The following ZDHHC14 variants were observed in gnomAD, a reference collection of about 807,000 sequenced individuals.
The protein encoded by ZDHHC14 is palmitoyltransferase ZDHHC14.
A neutral mutation model predicts 47.7 loss-of-function variants in ZDHHC14; 16 were observed. The observed-to-expected ratio is 0.34, with a 90% CI of 0.23 to 0.51. The LOEUF is 0.51. Ranked by LOEUF, ZDHHC14 falls within the 20% of genes least tolerant of loss-of-function variation. The probability of loss-of-function intolerance (pLI) is 0.97; values close to 1 mark genes in which losing one functional copy is unlikely to be tolerated. For synonymous variants in ZDHHC14, 293 were observed against 278.9 expected, an observed-to-expected ratio of 1.05 and a Z score of -0.50; for missense variants, 515 against 662.5, an observed-to-expected ratio of 0.78 and a Z score of 2.44.
At chr6:157,507,281 G>C (rs183818565) in intron 1 of ZDHHC14, among the ~76,000 whole-genome samples, 17 of 131,662 alleles carry the variant, frequency 1.3e-4, no homozygotes, top group African/African-American at 4.4e-4. Context: ...TATATTTCCT[G>C]ACTCATTTTT....
chr6:157,633,079 C>A (rs535330292), intron 5 of ZDHHC14, among the ~76,000 whole-genome samples, 197 bp downstream of exon 5: 209 of 152,212 alleles, frequency 1.4e-3, no homozygotes, highest in African/African-American at 4.7e-3. Context: ...CTGTTTAAAT[C>A]GAGGGCTAGG....
At chr6:157,462,300 T>C (rs1451382301) in intron 1 of ZDHHC14, among the ~76,000 whole-genome samples, 1 of 152,218 alleles carries the variant, frequency 6.6e-6, no homozygotes, top group Non-Finnish European at 1.5e-5. Flanking sequence ...TTTTCCAGTA[T>C]ATTTTCTAGT....
intron 1 of ZDHHC14, among the ~76,000 whole-genome samples, chr6:157,535,661 A>G (rs1781522514): frequency 6.6e-6 from 1 of 152,174 alleles, no homozygotes; most frequent in African/African-American, 2.4e-5. Context: ...GTCTGGGGTA[A>G]TTAACACGAT....
chr6:157,536,019 C>T (rs1781535079), intron 1 of ZDHHC14, among the ~76,000 whole-genome samples: 2 of 151,330 alleles, frequency 1.3e-5, no homozygotes, highest in African/African-American at 4.9e-5. Flanking sequence ...CTCCATTTCT[C>T]ACAATGCTAC....
chr6:157,490,852 C>T (rs1779896944), intron 1 of ZDHHC14, among the ~76,000 whole-genome samples: 1 of 152,228 alleles, frequency 6.6e-6, no homozygotes, highest in Admixed American at 6.5e-5. Context: ...GAATGCCTAT[C>T]AATACCAGGC....
rs534652814 is a variant in ZDHHC14 at position 157,463,554 on chromosome 6, G to A, written c.246-79031G>A. On this transcript the variant is annotated intron_variant, in intron 1 of 8. Coordinates refer to ENST00000359775, the MANE Select transcript of ZDHHC14 (RefSeq NM_024630.3). The surrounding 1 kb of genome is among the most constrained non-coding windows in gnomAD (Gnocchi z 4.4). ...ACTGAGCCTACAGGAAGAATCATCA[G>A]AAAGGAATGTAAGACAGCAGCTCCA... Among the ~76,000 whole-genome samples, 1 of 152,310 alleles carries A rather than the reference G, an allele frequency of 6.6e-6. No homozygotes were observed. Among genetic ancestry groups the A allele is most frequent in the African/African-American group, 2.4e-5 (1 of 41,558 alleles).
At chr6:157,506,936 G>A (rs1780340321) in intron 1 of ZDHHC14, among the ~76,000 whole-genome samples, 1 of 147,078 alleles carries the variant, frequency 6.8e-6, no homozygotes, top group South Asian at 2.1e-4. Context: ...TTTAATTAAA[G>A]TAACATATAG....
intron 1 of ZDHHC14, among the ~76,000 whole-genome samples, chr6:157,451,295 C>T (rs1311321992): frequency 6.6e-6 from 1 of 152,074 alleles, no homozygotes; most frequent in Non-Finnish European, 1.5e-5. Flanking sequence ...AGAATAATAA[C>T]CTTGTCCATT....
chr6:157,468,618 G>C (rs1779279053), intron 1 of ZDHHC14, among the ~76,000 whole-genome samples: 1 of 152,224 alleles, frequency 6.6e-6, no homozygotes, highest in South Asian at 2.1e-4. Context: ...GATTGTCCAA[G>C]TTTATGATAA....
intron 1 of ZDHHC14, among the ~76,000 whole-genome samples, chr6:157,539,029 G>A (rs1876082): frequency 0.062 from 9,437 of 152,188 alleles, 416 homozygotes; most frequent in Non-Finnish European, 0.098. Flanking sequence ...AAGCATGGAG[G>A]GCTTTTGAGC....
chr6:157,387,814 A>G (rs1199555975), intron 1 of ZDHHC14, among the ~76,000 whole-genome samples: 5 of 152,202 alleles, frequency 3.3e-5, no homozygotes, highest in African/African-American at 1.2e-4. Flanking sequence ...CCCAGTAAAT[A>G]TCTGCTGTTT....
intron 2 of ZDHHC14, among the ~76,000 whole-genome samples, chr6:157,589,192 G>C (rs751275620): frequency 2.6e-5 from 4 of 152,114 alleles, no homozygotes; most frequent in Admixed American, 6.5e-5. Flanking sequence ...GAGGGTGCAA[G>C]GGGAGGTGCT....
chr6:157,490,413 G>A (rs1779885732), intron 1 of ZDHHC14, among the ~76,000 whole-genome samples: 1 of 152,202 alleles, frequency 6.6e-6, no homozygotes, highest in Non-Finnish European at 1.5e-5. Flanking sequence ...GGGTCAGCAG[G>A]CAATGAAGAA....
At chr6:157,508,724 A>G (rs1448933403) in intron 1 of ZDHHC14, among the ~76,000 whole-genome samples, 1 of 148,674 alleles carries the variant, frequency 6.7e-6, no homozygotes, top group East Asian at 1.9e-4. Context: ...TGTATTATCC[A>G]TCTCTTGATC....
chr6:157,420,588 C>T (rs1459824013), intron 1 of ZDHHC14, among the ~76,000 whole-genome samples: 1 of 152,104 alleles, frequency 6.6e-6, no homozygotes, highest in East Asian at 1.9e-4. Flanking sequence ...GAGGTGTAGT[C>T]ATTGAAGTGG....
At chr6:157,621,209 A>G (rs758876082) in intron 3 of ZDHHC14, among the ~76,000 whole-genome samples, 2 of 152,124 alleles carry the variant, frequency 1.3e-5, no homozygotes, top group Non-Finnish European at 2.9e-5. Context: ...AAATGTTCCT[A>G]TTGCATAATT....
intron 1 of ZDHHC14, among the ~76,000 whole-genome samples, chr6:157,414,365 T>C (rs1777931999): frequency 6.6e-6 from 1 of 152,182 alleles, no homozygotes; most frequent in Non-Finnish European, 1.5e-5. Context: ...CCCCCAGTGA[T>C]CTCAGGTTCT....
At chr6:157,487,106 C>T (rs1328568416) in intron 1 of ZDHHC14, among the ~76,000 whole-genome samples, 4 of 152,224 alleles carry the variant, frequency 2.6e-5, no homozygotes, top group Non-Finnish European at 4.4e-5. Flanking sequence ...ACCTTAAGCT[C>T]TTCCTCTCTG....
intron 1 of ZDHHC14, among the ~76,000 whole-genome samples, chr6:157,520,562 T>C (rs1780877748): frequency 6.6e-6 from 1 of 152,230 alleles, no homozygotes; most frequent in Non-Finnish European, 1.5e-5. Flanking sequence ...TACACAGTAG[T>C]AGTGTTTAAT....
Sources: allele counts gnomAD v4.1 joint callset (sites outside exome capture counted in the v4.1 genomes callset), GRCh38; gene constraint gnomAD v4.1.1; non-coding constraint Gnocchi (gnomAD v3.1); transcripts MANE v1.5; gene names NCBI Gene and HGNC (gene_info 2026-07-23, HGNC 2026-07-21).